The following TMEM178B variants were observed in gnomAD, a reference collection of about 807,000 sequenced individuals.
The protein encoded by TMEM178B is transmembrane protein 178B.
Under a neutral mutation model 31.0 loss-of-function variants are expected in TMEM178B, and 5 were observed. The observed-to-expected ratio is 0.16, with a 90% CI of 0.08 to 0.34. The LOEUF (loss-of-function observed/expected upper bound fraction) is 0.34. Among genes scored for constraint, TMEM178B ranks in the 10% least tolerant of loss-of-function variants. The pLI is 1.00. For missense variants in TMEM178B, 275 were observed against 400.3 expected (o/e 0.69, Z 2.67); for synonymous variants, 164 against 164.0 (o/e 1.00, Z 0.00).
chr7:141,486,424 G>A, the TMEM178B span, among the ~76,000 whole-genome samples: 3 of 152,276 alleles, frequency 2.0e-5, no homozygotes, highest in East Asian at 5.8e-4. Flanking sequence ...CCCTGCTTCA[G>A]GACCCTGTCT....
intron 2 of TMEM178B, among the ~76,000 whole-genome samples, chr7:141,242,477 AGTGTGT>A (rs66723569): frequency 0.12 from 16,213 of 140,206 alleles, 1,328 homozygotes; most frequent in East Asian, 0.46. Flanking sequence ...ACTTTGTGTG[AGTGTGT>A]GTGTGTGTGT....
At chr7:141,315,685 T>G (rs1016184660) in intron 2 of TMEM178B, among the ~76,000 whole-genome samples, 6 of 152,202 alleles carry the variant, frequency 3.9e-5, no homozygotes, top group Non-Finnish European at 7.3e-5. Flanking sequence ...CCTGACGTGA[T>G]TATAAGCTCT....
At chr7:141,261,858 T>G (rs1484721852) in intron 2 of TMEM178B, among the ~76,000 whole-genome samples, 1 of 152,220 alleles carries the variant, frequency 6.6e-6, no homozygotes, top group Non-Finnish European at 1.5e-5. Context: ...TTACTCATTT[T>G]GCACCTTGAG....
intron 2 of TMEM178B, among the ~76,000 whole-genome samples, chr7:141,400,443 G>A (rs114654027): frequency 0.027 from 4,032 of 152,122 alleles, 70 homozygotes; most frequent in African/African-American, 0.045. Flanking sequence ...CTTAGCTTGG[G>A]CCAGTTCTGC....
intron 2 of TMEM178B, among the ~76,000 whole-genome samples, chr7:141,230,266 G>T (rs549221493): frequency 1.3e-5 from 2 of 152,246 alleles, no homozygotes; most frequent in Admixed American, 1.3e-4. Context: ...ACATTTCTTA[G>T]GTTCTTGATA....
intron 2 of TMEM178B, among the ~76,000 whole-genome samples, chr7:141,216,782 C>T (rs956836844): frequency 3.3e-5 from 5 of 152,126 alleles, no homozygotes; most frequent in Non-Finnish European, 7.4e-5. Flanking sequence ...CCTACCCACC[C>T]ACTATCTGGC....
At chr7:141,411,522 T>C (rs1040651240) in intron 2 of TMEM178B, among the ~76,000 whole-genome samples, 2 of 152,218 alleles carry the variant, frequency 1.3e-5, no homozygotes, top group Non-Finnish European at 2.9e-5. Context: ...CCAAAAAATG[T>C]AAAAATAACT....
chr7:141,178,219 A>G (rs1459275515), intron 1 of TMEM178B, among the ~76,000 whole-genome samples: 1 of 152,198 alleles, frequency 6.6e-6, no homozygotes, highest in Non-Finnish European at 1.5e-5. Context: ...TTGGCTGGAT[A>G]TGACATTCTG....
At position 141,147,950 on chromosome 7, in the gene TMEM178B, C is replaced by T. The variant is rs150387651; in HGVS notation, c.383-64641C>T. Among the ~76,000 whole-genome samples the T allele has an allele frequency of 4.6e-3, 708 of 152,340 alleles. 7 individuals are homozygous for T. The highest frequency in any genetic ancestry group is 0.016 in the African/African-American group (671 of 41,572). On this transcript the variant is annotated intron_variant, in intron 1 of 3. Coordinates refer to ENST00000565468, the MANE Select transcript of TMEM178B (RefSeq NM_001195278.2). ...AGAAGAAGAGAACAGCGTTAGGTTT[C>T]TGTGCTGCTGTAACAAACTGCCACA...
chr7:141,305,121 A>G (rs186877033), intron 2 of TMEM178B, among the ~76,000 whole-genome samples: 2 of 152,316 alleles, frequency 1.3e-5, no homozygotes, highest in African/African-American at 4.8e-5. Context: ...TTTATGGTCT[A>G]TGACATATTG....
At chr7:141,122,201 G>A (rs1795419164) in intron 1 of TMEM178B, among the ~76,000 whole-genome samples, 1 of 152,080 alleles carries the variant, frequency 6.6e-6, no homozygotes, top group Admixed American at 6.6e-5. Context: ...TAAGCAAAGA[G>A]AGAACAGTGA....
intron 1 of TMEM178B, among the ~76,000 whole-genome samples, chr7:141,211,944 T>G (rs1207277144): frequency 6.6e-6 from 1 of 152,220 alleles, no homozygotes; most frequent in Non-Finnish European, 1.5e-5. Context: ...TTTGAGAATC[T>G]CTGCCCTAAG....
At chr7:141,314,600 C>T (rs12539111) in intron 2 of TMEM178B, among the ~76,000 whole-genome samples, 47,341 of 152,144 alleles carry the variant, frequency 0.31, 9,705 homozygotes, top group African/African-American at 0.57. Context: ...CTCACTGGCT[C>T]AGGCCCTGTG....
chr7:141,102,575 G>A (rs900475968), intron 1 of TMEM178B, among the ~76,000 whole-genome samples: 3 of 152,146 alleles, frequency 2.0e-5, no homozygotes, highest in African/African-American at 4.8e-5. Context: ...CAACAGAAAC[G>A]TGCTAGTTTC....
At chr7:141,504,174 T>A in the TMEM178B span, among the ~76,000 whole-genome samples, 1 of 152,250 alleles carries the variant, frequency 6.6e-6, no homozygotes, top group African/African-American at 2.4e-5. Context: ...AATTACTGTA[T>A]CTGTTTAAAA....
At chr7:141,421,700 C>T (rs1406560188) in intron 2 of TMEM178B, among the ~76,000 whole-genome samples, 3 of 152,162 alleles carry the variant, frequency 2.0e-5, no homozygotes, top group Non-Finnish European at 2.9e-5. Context: ...ATGCCTAGCA[C>T]ATCAGAAATC....
intron 2 of TMEM178B, among the ~76,000 whole-genome samples, chr7:141,284,896 A>C (rs922973305): frequency 2.0e-5 from 3 of 152,062 alleles, no homozygotes; most frequent in Non-Finnish European, 4.4e-5. Context: ...TTCAGTAGGG[A>C]GCCAAGAAGG....
intron 3 of TMEM178B, among the ~76,000 whole-genome samples, chr7:141,449,108 C>T (rs958191632): frequency 2.6e-5 from 4 of 152,164 alleles, no homozygotes; most frequent in African/African-American, 7.2e-5. Flanking sequence ...AAAGTAATTT[C>T]AAAAGTCTCC....
At chr7:141,330,026 A>G (rs1799270175) in intron 2 of TMEM178B, among the ~76,000 whole-genome samples, 1 of 152,172 alleles carries the variant, frequency 6.6e-6, no homozygotes, top group African/African-American at 2.4e-5. Context: ...GAAGATGGCC[A>G]TGGTAACCCT....
Sources: allele counts gnomAD v4.1 joint callset (sites outside exome capture counted in the v4.1 genomes callset), GRCh38; gene constraint gnomAD v4.1.1; transcripts MANE v1.5; gene names NCBI Gene and HGNC (gene_info 2026-07-23, HGNC 2026-07-21).